The following HS6ST3 variants were observed in gnomAD, a reference collection of about 807,000 sequenced individuals.
The protein encoded by HS6ST3 is heparan-sulfate 6-O-sulfotransferase 3.
HS6ST3 carries 12 observed loss-of-function variants against 36.7 expected under a neutral mutation model. That is an observed-to-expected ratio of 0.33 (90% CI 0.21 to 0.53). HS6ST3 has a LOEUF of 0.53. HS6ST3 is among the 20% of genes least tolerant of loss of function. The probability of loss-of-function intolerance (pLI) is 0.95; values close to 1 mark genes in which losing one functional copy is unlikely to be tolerated. For synonymous variants in HS6ST3, 240 were observed against 257.5 expected (o/e 0.93, Z 0.65); for missense variants, 584 against 640.9 (o/e 0.91, Z 0.96).
chr13:96,386,292 A>G (rs1041557310), intron 1 of HS6ST3, among the ~76,000 whole-genome samples: 2 of 152,170 alleles, frequency 1.3e-5, no homozygotes, highest in African/African-American at 4.8e-5. Context: ...CACCAAAAGC[A>G]ATCTGGGAAG....
chr13:96,676,295 A>G (rs1210614350), intron 1 of HS6ST3, among the ~76,000 whole-genome samples: 1 of 151,992 alleles, frequency 6.6e-6, no homozygotes, highest in Non-Finnish European at 1.5e-5. Flanking sequence ...TCTAGATCTG[A>G]ATTTCCTCTT....
At chr13:96,333,958 T>G (rs947445801) in intron 1 of HS6ST3, among the ~76,000 whole-genome samples, 8 of 152,070 alleles carry the variant, frequency 5.3e-5, no homozygotes, top group Non-Finnish European at 8.8e-5. Flanking sequence ...GGTTGGCTTA[T>G]TTGAATAATT....
chr13:96,391,999 A>G (rs1008508125), intron 1 of HS6ST3, among the ~76,000 whole-genome samples: 6 of 152,220 alleles, frequency 3.9e-5, no homozygotes, highest in African/African-American at 1.4e-4. Context: ...AAATGTTTAG[A>G]TACATTATTA....
chr13:96,805,758 T>C (rs1362770109), intron 1 of HS6ST3, among the ~76,000 whole-genome samples: 1 of 152,188 alleles, frequency 6.6e-6, no homozygotes, highest in Non-Finnish European at 1.5e-5. Context: ...TCTCCAGGAA[T>C]CACCAACGGA....
Position 96,577,003 on chromosome 13 carries a change from G to T in HS6ST3, c.708-255487G>T, listed in dbSNP as rs1360589089. Among the ~76,000 whole-genome samples, 7 of 134,894 alleles carry T rather than the reference G, an allele frequency of 5.2e-5. No individual in the cohort carries two copies. The East Asian group carries it at 1.5e-3, about 29-fold the overall frequency. The allele number at this position is 134,894 out of a possible 152,430, so 88.5% of individuals were successfully genotyped here. ...CTCTATTTATCTTTCCCAATGTATAGATATTTTTTCTTTTATTTGTTTTCT... is the reference window on the plus strand; with the variant it reads ...CTCTATTTATCTTTCCCAATGTATATATATTTTTTCTTTTATTTGTTTTCT... On this transcript the variant is annotated intron_variant, in intron 1 of 1. Transcript: ENST00000376705.
At chr13:96,513,283 C>A in intron 1 of HS6ST3, among the ~76,000 whole-genome samples, 1 of 151,354 alleles carries the variant, frequency 6.6e-6, no homozygotes, top group South Asian at 2.1e-4. Context: ...TTTTCTGGGG[C>A]GAGATCTAAA....
intron 1 of HS6ST3, among the ~76,000 whole-genome samples, chr13:96,798,031 A>G (rs1297235179): frequency 2.0e-5 from 3 of 152,032 alleles, no homozygotes. Context: ...GACTGACTAT[A>G]AATAAGAGTT....
At chr13:96,188,126 G>C (rs1206671580) in intron 1 of HS6ST3, among the ~76,000 whole-genome samples, 1 of 152,080 alleles carries the variant, frequency 6.6e-6, no homozygotes, top group Non-Finnish European at 1.5e-5. Context: ...CCACATCCCT[G>C]GGGTGTCACT....
At position 96,273,154 on chromosome 13, in the gene HS6ST3, T is replaced by C. The variant is rs1297675287; in HGVS notation, c.707+181585T>C. On this transcript the variant is annotated intron_variant, in intron 1 of 1. Transcript: ENST00000376705. ...GGAGCTAGAGTTTCTAAGTCCTTAG[T>C]GCTGCTCGCCAAATAATGCAAGTTC... Among the ~76,000 whole-genome samples, 3 of 151,980 alleles carry C rather than the reference T, an allele frequency of 2.0e-5. No individual in the cohort carries two copies. The East Asian group carries it at 5.8e-4, about 29-fold the overall frequency.
intron 1 of HS6ST3, among the ~76,000 whole-genome samples, chr13:96,486,549 T>A (rs55992841): frequency 0.028 from 4,332 of 152,248 alleles, 215 homozygotes; most frequent in African/African-American, 0.098. Context: ...CTTTTTAATG[T>A]TCGCCATTCT....
chr13:96,482,518 A>G (rs1420481422), intron 1 of HS6ST3, among the ~76,000 whole-genome samples: 1 of 151,510 alleles, frequency 6.6e-6, no homozygotes, highest in East Asian at 1.9e-4. Context: ...ATAGGGACTA[A>G]CTTTTTATCT....
intron 1 of HS6ST3, among the ~76,000 whole-genome samples, chr13:96,353,046 CTTTTT>C (rs1026366277): frequency 1.2e-5 from 1 of 85,436 alleles, no homozygotes; most frequent in Non-Finnish European, 2.4e-5. Flanking sequence ...CTAGCGTATT[CTTTTT>C]TTTTTTTTTT....
chr13:96,541,822 C>A (rs1288730799), intron 1 of HS6ST3, among the ~76,000 whole-genome samples: 1 of 152,146 alleles, frequency 6.6e-6, no homozygotes, highest in Non-Finnish European at 1.5e-5. Flanking sequence ...CTTCATCATT[C>A]CCAAATTATT....
At chr13:96,627,127 A>G (rs771897168) in intron 1 of HS6ST3, among the ~76,000 whole-genome samples, 12 of 152,092 alleles carry the variant, frequency 7.9e-5, no homozygotes, top group Non-Finnish European at 1.2e-4. Context: ...CTTCAAGTTA[A>G]TGGTTGCAAA....
intron 1 of HS6ST3, among the ~76,000 whole-genome samples, chr13:96,139,541 GAAAAAAAA>G (rs57777280): frequency 1.1e-4 from 7 of 66,264 alleles, no homozygotes; most frequent in African/African-American, 2.5e-4. Context: ...GTAAGATTCA[GAAAAAAAA>G]AAAAAAAAAA....
intron 1 of HS6ST3, among the ~76,000 whole-genome samples, chr13:96,273,483 G>A (rs2054731351): frequency 6.6e-6 from 1 of 152,054 alleles, no homozygotes; most frequent in African/African-American, 2.4e-5. Flanking sequence ...GAGACTAAGA[G>A]GAGGCTGAGA....
chr13:96,784,509 A>G (rs2138515933), intron 1 of HS6ST3, among the ~76,000 whole-genome samples: 1 of 152,322 alleles, frequency 6.6e-6, no homozygotes, highest in East Asian at 1.9e-4. Flanking sequence ...GAGCATGATA[A>G]TGTCATCATT....
chr13:96,656,992 TGTGTGTGAGA>T (rs1212729221), intron 1 of HS6ST3, among the ~76,000 whole-genome samples: 1 of 137,190 alleles, frequency 7.3e-6, no homozygotes, highest in African/African-American at 2.8e-5. Flanking sequence ...TGTGTGTGTG[TGTGTGTGAGA>T]GAGAGAGAGA....
chr13:96,336,137 A>G (rs1047582897), intron 1 of HS6ST3, among the ~76,000 whole-genome samples: 4 of 152,142 alleles, frequency 2.6e-5, no homozygotes, highest in South Asian at 2.1e-4. Context: ...AAATACTCCA[A>G]TTTTCTTATT....
Sources: allele counts gnomAD v4.1 joint callset (sites outside exome capture counted in the v4.1 genomes callset), GRCh38; gene constraint gnomAD v4.1.1; transcripts MANE v1.5; gene names NCBI Gene and HGNC (gene_info 2026-07-23, HGNC 2026-07-21).